The following LRRC37A2 variants were observed in gnomAD, a reference collection of about 807,000 sequenced individuals.
LRRC37A2 encodes leucine rich repeat containing 37 member A2.
Under a neutral mutation model 68.8 loss-of-function variants are expected in LRRC37A2, and 9 were observed. That is an observed-to-expected ratio of 0.13 (90% CI 0.08 to 0.23). The LOEUF (loss-of-function observed/expected upper bound fraction) is 0.23. LRRC37A2 is among the 10% of genes least tolerant of loss of function. The pLI, the probability that LRRC37A2 is intolerant of heterozygous loss-of-function variation, is 1.00. For synonymous variants in LRRC37A2, 63 were observed against 367.6 expected, an observed-to-expected ratio of 0.17 and a Z score of 9.48; for missense variants, 168 against 950.4, an observed-to-expected ratio of 0.18 and a Z score of 10.82.
At chr17:46,404,978 G>A in the LRRC37A2 span, among the ~76,000 whole-genome samples, 6 of 97,564 alleles carry the variant, frequency 6.1e-5, no homozygotes, top group Non-Finnish European at 1.4e-4. Context: ...CGAGGCGGGC[G>A]GATTGCCTGA....
the LRRC37A2 span, among the ~76,000 whole-genome samples, chr17:46,785,669 C>G: frequency 6.6e-6 from 1 of 152,238 alleles, no homozygotes; most frequent in Non-Finnish European, 1.5e-5. Context: ...CAGGGACCAC[C>G]TGAGAGCCCG....
chr17:46,881,176 G>T, the LRRC37A2 span, among the ~76,000 whole-genome samples: 87 of 152,320 alleles, frequency 5.7e-4, 1 homozygote, highest in African/African-American at 1.7e-3. Flanking sequence ...GGCCTGCCCT[G>T]CCCCAGTTCT....
At chr17:46,777,807 G>A in the LRRC37A2 span, among the ~76,000 whole-genome samples, 3 of 152,224 alleles carry the variant, frequency 2.0e-5, no homozygotes, top group Non-Finnish European at 2.9e-5. Context: ...CAAGCCCTGA[G>A]TTTGTCTGAC....
chr17:46,386,265 A>AT, the LRRC37A2 span, among the ~76,000 whole-genome samples: 1 of 105,650 alleles, frequency 9.5e-6, no homozygotes, highest in Admixed American at 9.0e-5. Context: ...TGTCCAGCAA[A>AT]TTTTTTTATT....
At chr17:46,615,837 C>T in the LRRC37A2 span, among the ~76,000 whole-genome samples, 203 of 14,166 alleles carry the variant, frequency 0.014, 6 homozygotes, top group African/African-American at 0.063. Flanking sequence ...TAATCAAGTG[C>T]GGGTACGTTG....
chr17:46,855,698 C>G, the LRRC37A2 span, among the ~76,000 whole-genome samples: 1 of 152,158 alleles, frequency 6.6e-6, no homozygotes, highest in Non-Finnish European at 1.5e-5. Context: ...CCAATCCAGT[C>G]TATTTATTTA....
At chr17:46,460,664 CAGTA>C in the LRRC37A2 span, among the ~76,000 whole-genome samples, 4 of 43,152 alleles carry the variant, frequency 9.3e-5, no homozygotes, top group East Asian at 6.5e-4. Flanking sequence ...CTGAGAAAAT[CAGTA>C]AGTAAAATTA....
the LRRC37A2 span, among the ~76,000 whole-genome samples, chr17:46,726,090 C>G: frequency 6.6e-6 from 1 of 152,132 alleles, no homozygotes; most frequent in African/African-American, 2.4e-5. Flanking sequence ...AGCTCTTTTA[C>G]CATTATGGTC....
At chr17:46,819,580 G>A in the LRRC37A2 span, among the ~76,000 whole-genome samples, 1 of 152,164 alleles carries the variant, frequency 6.6e-6, no homozygotes, top group African/African-American at 2.4e-5. The surrounding 1 kb of genome is among the most constrained non-coding windows in gnomAD (Gnocchi z 5.3). Context: ...AGCTCTGGCC[G>A]AGGGCGGCCC....
chr17:46,728,267 G>A, the LRRC37A2 span, among the ~76,000 whole-genome samples: 2 of 152,084 alleles, frequency 1.3e-5, no homozygotes, highest in South Asian at 2.1e-4. Flanking sequence ...CATTGTTTCC[G>A]TTTTATTGAA....
chr17:46,679,876 A>T, the LRRC37A2 span, among the ~76,000 whole-genome samples: 4 of 150,906 alleles, frequency 2.7e-5, no homozygotes, highest in African/African-American at 9.8e-5. Flanking sequence ...TGATGATAAT[A>T]AAAAGGTAAT....
the LRRC37A2 span, chr17:46,728,923 G>C: frequency 1.2e-6 from 2 of 1,602,540 alleles, no homozygotes; most frequent in African/African-American, 2.7e-5. Flanking sequence ...ACTGAAAAAG[G>C]CACCTCCTCA....
the LRRC37A2 span, among the ~76,000 whole-genome samples, chr17:46,954,053 G>C: frequency 6.6e-6 from 1 of 152,198 alleles, no homozygotes; most frequent in Non-Finnish European, 1.5e-5. Flanking sequence ...GATCCCATTT[G>C]TCAATTTTGG....
chr17:46,382,218 C>T, the LRRC37A2 span, among the ~76,000 whole-genome samples: 12 of 142,498 alleles, frequency 8.4e-5, no homozygotes, highest in African/African-American at 1.8e-4. Context: ...GCAGAGGTTG[C>T]GGTGAGCGAG....
chr17:46,687,430 C>T, the LRRC37A2 span, among the ~76,000 whole-genome samples: 2 of 151,124 alleles, frequency 1.3e-5, no homozygotes, highest in Admixed American at 1.3e-4. Context: ...TGTATCTTTT[C>T]CCTTCTGCAG....
the LRRC37A2 span, among the ~76,000 whole-genome samples, chr17:46,894,561 C>T: frequency 6.6e-6 from 1 of 152,336 alleles, no homozygotes; most frequent in African/African-American, 2.4e-5. Flanking sequence ...CCCCATGGGG[C>T]GGAAGTGCCG....
the LRRC37A2 span, among the ~76,000 whole-genome samples, chr17:46,475,720 C>T: frequency 6.6e-3 from 511 of 77,554 alleles, 184 homozygotes; most frequent in Non-Finnish European, 0.015. Context: ...TCAGTGAGGG[C>T]CAGGGAGTGC....
At chr17:46,841,090 C>T in the LRRC37A2 span, among the ~76,000 whole-genome samples, 64 of 152,268 alleles carry the variant, frequency 4.2e-4, no homozygotes, top group Non-Finnish European at 4.9e-4. Flanking sequence ...AGGCTTATCC[C>T]TAGGAAAGAG....
chr17:46,549,159 C>G (rs754991806), exon 10 of LRRC37A2: 1 of 1,611,390 alleles, frequency 6.2e-7, no homozygotes, highest in Non-Finnish European at 8.5e-7. Flanking sequence ...TGCTCGCAAA[C>G]AGGCTTCCAT....
Sources: allele counts gnomAD v4.1 joint callset (sites outside exome capture counted in the v4.1 genomes callset), GRCh38; gene constraint gnomAD v4.1.1; non-coding constraint Gnocchi (gnomAD v3.1); transcripts MANE v1.5; gene names NCBI Gene and HGNC (gene_info 2026-07-23, HGNC 2026-07-21).